The following LRRC37A2 variants were observed in gnomAD, a reference collection of about 807,000 sequenced individuals.
LRRC37A2 encodes leucine rich repeat containing 37 member A2.
LRRC37A2 carries 9 observed loss-of-function variants against 68.8 expected under a neutral mutation model. The observed-to-expected ratio is 0.13, with a 90% CI of 0.08 to 0.23. LRRC37A2 has a LOEUF of 0.23. Ranked by LOEUF, LRRC37A2 falls within the 10% of genes least tolerant of loss-of-function variation. LRRC37A2 has a pLI of 1.00. For synonymous variants in LRRC37A2, 63 were observed against 367.6 expected (o/e 0.17, Z 9.48); for missense variants, 168 against 950.4 (o/e 0.18, Z 10.82).
the LRRC37A2 span, among the ~76,000 whole-genome samples, chr17:47,005,097 T>C: frequency 6.6e-6 from 1 of 152,238 alleles, no homozygotes; most frequent in African/African-American, 2.4e-5. Context: ...ACTCTGTTTT[T>C]AACATCTCAC....
chr17:47,011,481 G>A, the LRRC37A2 span, among the ~76,000 whole-genome samples: 2 of 151,802 alleles, frequency 1.3e-5, no homozygotes, highest in South Asian at 4.2e-4. Flanking sequence ...CCTGGGAGGT[G>A]GTGGAGGGTG....
chr17:46,761,330 G>GT, the LRRC37A2 span, among the ~76,000 whole-genome samples: 15 of 145,626 alleles, frequency 1.0e-4, no homozygotes, highest in Admixed American at 1.4e-4. Context: ...GTTTTTTTTT[G>GT]TTTGTTTTTT....
the LRRC37A2 span, chr17:46,923,800 CT>C: frequency 2.5e-6 from 1 of 403,692 alleles, no homozygotes; most frequent in African/African-American, 2.1e-5. Context: ...TTTCTCATAA[CT>C]TAAATTCCTT....
chr17:46,895,284 T>C, the LRRC37A2 span, among the ~76,000 whole-genome samples: 1 of 152,340 alleles, frequency 6.6e-6, no homozygotes, highest in South Asian at 2.1e-4. Context: ...AATAACTAAC[T>C]TGTACATGGA....
chr17:46,978,515 C>T, the LRRC37A2 span: 1 of 1,173,684 alleles, frequency 8.5e-7, no homozygotes, highest in Non-Finnish European at 1.2e-6. Context: ...TCGCCGCGTC[C>T]CCGCCCGGGC....
chr17:46,720,868 C>A, the LRRC37A2 span, among the ~76,000 whole-genome samples: 1 of 152,192 alleles, frequency 6.6e-6, no homozygotes, highest in Non-Finnish European at 1.5e-5. Context: ...GGCTGAATCT[C>A]CTGAGAGCAT....
chr17:46,843,702 C>G, the LRRC37A2 span, among the ~76,000 whole-genome samples: 1 of 152,220 alleles, frequency 6.6e-6, no homozygotes, highest in African/African-American at 2.4e-5. Context: ...TTGTAAAATG[C>G]TGTGAGCATT....
intron 11 of LRRC37A2, among the ~76,000 whole-genome samples, chr17:46,551,030 A>G (rs1220428698): frequency 4.7e-5 from 7 of 149,934 alleles, no homozygotes; most frequent in Non-Finnish European, 8.8e-5. Context: ...AGCACTACAG[A>G]GTAGCCATCT....
At chr17:46,630,939 A>G in the LRRC37A2 span, among the ~76,000 whole-genome samples, 1 of 137,610 alleles carries the variant, frequency 7.3e-6, no homozygotes, top group East Asian at 3.3e-4. Flanking sequence ...GTATTTATAG[A>G]AAGGTTGCAA....
the LRRC37A2 span, among the ~76,000 whole-genome samples, chr17:46,716,111 C>T: frequency 1.3e-5 from 2 of 152,258 alleles, no homozygotes; most frequent in Admixed American, 6.5e-5. Context: ...ATAGTTTTCA[C>T]ATTGTTACCT....
At chr17:46,832,125 GT>G in the LRRC37A2 span, among the ~76,000 whole-genome samples, 397 of 152,366 alleles carry the variant, frequency 2.6e-3, 2 homozygotes, top group African/African-American at 9.2e-3. Context: ...ACCCTGAAAG[GT>G]GGGGGAGGAA....
chr17:46,543,656 A>G (rs1380314221), intron 8 of LRRC37A2, among the ~76,000 whole-genome samples: 1 of 150,910 alleles, frequency 6.6e-6, no homozygotes, highest in Non-Finnish European at 1.5e-5. Flanking sequence ...TTTTGTCCAG[A>G]AAATGTATAG....
intron 12 of LRRC37A2, chr17:46,554,146 G>C (rs1200620119): frequency 1.2e-6 from 1 of 839,610 alleles, no homozygotes; most frequent in South Asian, 5.4e-5. Flanking sequence ...AAACCTCACA[G>C]AATTTTAACC....
At chr17:46,939,637 C>T in the LRRC37A2 span, 2 of 985,478 alleles carry the variant, frequency 2.0e-6, no homozygotes, top group Non-Finnish European at 1.2e-6. Context: ...TTCTTTGGTT[C>T]CCTTCTCTTC....
At chr17:47,008,808 T>G in the LRRC37A2 span, among the ~76,000 whole-genome samples, 1 of 152,132 alleles carries the variant, frequency 6.6e-6, no homozygotes, top group Non-Finnish European at 1.5e-5. Flanking sequence ...GAAAAGAATA[T>G]TGTTTGAGAT....
chr17:46,601,634 A>T, the LRRC37A2 span, among the ~76,000 whole-genome samples: 1 of 145,818 alleles, frequency 6.9e-6, no homozygotes. Context: ...TTTTTCCTTT[A>T]CTGATTTGCA....
the LRRC37A2 span, among the ~76,000 whole-genome samples, chr17:46,610,025 C>CTT: frequency 1.2e-5 from 1 of 81,450 alleles, no homozygotes; most frequent in South Asian, 4.8e-4. Flanking sequence ...TTCTTTCTTT[C>CTT]TTTCTCTCTC....
the LRRC37A2 span, among the ~76,000 whole-genome samples, chr17:46,845,227 A>T: frequency 1.3e-5 from 2 of 152,108 alleles, no homozygotes; most frequent in Non-Finnish European, 2.9e-5. Context: ...ACCCCAACGT[A>T]GAGTCTTTCA....
chr17:47,005,110 C>A, the LRRC37A2 span, among the ~76,000 whole-genome samples: 1 of 152,208 alleles, frequency 6.6e-6, no homozygotes, highest in Non-Finnish European at 1.5e-5. Context: ...CATCTCACCC[C>A]AACAGTTTCC....
Sources: allele counts gnomAD v4.1 joint callset (sites outside exome capture counted in the v4.1 genomes callset), GRCh38; gene constraint gnomAD v4.1.1; transcripts MANE v1.5; gene names NCBI Gene and HGNC (gene_info 2026-07-23, HGNC 2026-07-21).